TPPP: variants seen among roughly 807,000 people sequenced by gnomAD.
The protein encoded by TPPP is tubulin polymerization-promoting protein.
In TPPP, 6 loss-of-function variants were observed where a neutral mutation model predicts 15.5. That is an observed-to-expected ratio of 0.39 (90% CI 0.21 to 0.77). The LOEUF is 0.77. Among genes scored for constraint, TPPP ranks in the 30% least tolerant of loss-of-function variants. The probability of loss-of-function intolerance (pLI) is 0.42; values close to 1 mark genes in which losing one functional copy is unlikely to be tolerated. For synonymous variants in TPPP, 146 were observed against 133.9 expected, an observed-to-expected ratio of 1.09 and a Z score of -0.63; for missense variants, 269 against 307.2, an observed-to-expected ratio of 0.88 and a Z score of 0.93.
chr5:668,988 C>G (rs1209722264), intron 2 of TPPP, among the ~76,000 whole-genome samples: 1 of 152,232 alleles, frequency 6.6e-6, no homozygotes, highest in South Asian at 2.1e-4. Context: ...TTCCCATACA[C>G]TTTACACGCG....
At chr5:696,371 G>C (rs1216196547), upstream of TPPP, among the ~76,000 whole-genome samples, 1 of 140,130 alleles carries the variant, frequency 7.1e-6, no homozygotes, top group Non-Finnish European at 1.6e-5. Context: ...TGAGGATGCC[G>C]GGTCCCAGCA....
intron 2 of TPPP, among the ~76,000 whole-genome samples, chr5:672,210 C>G (rs1263656114): frequency 6.6e-6 from 1 of 152,058 alleles, no homozygotes; most frequent in Admixed American, 6.5e-5. Flanking sequence ...GCCGGCTGGC[C>G]GGGGGGGTGT....
intron 2 of TPPP, among the ~76,000 whole-genome samples, chr5:674,202 C>T (rs1332256929): frequency 6.6e-6 from 1 of 152,248 alleles, no homozygotes; most frequent in Non-Finnish European, 1.5e-5. Flanking sequence ...TATCCTGGAA[C>T]ACACATTGGG....
chr5:671,383 C>T (rs1364428418), intron 2 of TPPP, among the ~76,000 whole-genome samples: 1 of 152,222 alleles, frequency 6.6e-6, no homozygotes, highest in African/African-American at 2.4e-5. Flanking sequence ...CTAGGGGGCC[C>T]CAGGGGCTCG....
chr5:699,490 A>G, the TPPP span, among the ~76,000 whole-genome samples: 1 of 152,116 alleles, frequency 6.6e-6, no homozygotes, highest in Non-Finnish European at 1.5e-5. Context: ...GAAGACCTAA[A>G]CATAGGACCA....
At position 661,300 on chromosome 5, in the gene TPPP, C is replaced by G. The variant is rs1358623138; in HGVS notation, c.*3802G>C. 1 of 149,090 alleles carries G rather than the reference C, an allele frequency of 6.7e-6. No homozygotes were observed. The highest frequency in any genetic ancestry group is 2.0e-4 in the East Asian group (1 of 5,032). 9.2% of individuals were successfully genotyped at this position (149,090 alleles called of 1,614,324 possible). A position where few individuals can be genotyped will look rare whatever the true frequency, so the allele number is the denominator to read the frequency against. On this transcript the variant is annotated 3_prime_UTR_variant, in exon 4 of 4. Transcript: ENST00000360578. ...TGGTGTCACCCCCGACAGAACCTGT[C>G]CCTGTCTCCTCTTGTCACCCCCAAC...
At position 664,995 on chromosome 5, in the gene TPPP, C is replaced by T. The variant is rs552814071; in HGVS notation, c.*107G>A. ...GGCCGCCCCCCAGCCCCCTCTGGGG[C>T]ACCCGTCTGAGTTCTGCCCCAGTTA... On this transcript the variant is annotated 3_prime_UTR_variant, in exon 4 of 4. Coordinates refer to ENST00000360578, the MANE Select transcript of TPPP (RefSeq NM_007030.3). The T allele has an allele frequency of 1.1e-5, 15 of 1,372,818 alleles. No individual in the cohort carries two copies. In the African/African-American group the frequency reaches 1.3e-4, roughly 12 times the overall value. 85.0% of individuals were successfully genotyped at this position (1,372,818 alleles called of 1,614,324 possible). A position where few individuals can be genotyped will look rare whatever the true frequency, so the allele number is the denominator to read the frequency against.
intron 1 of TPPP, among the ~76,000 whole-genome samples, chr5:685,561 G>A (rs1177818869): frequency 6.6e-6 from 1 of 152,348 alleles, no homozygotes; most frequent in East Asian, 1.9e-4. Flanking sequence ...GGGGGCAGGG[G>A]AGCAGGGGCT....
chr5:685,253 C>T (rs1355105046), intron 1 of TPPP, among the ~76,000 whole-genome samples: 4 of 152,254 alleles, frequency 2.6e-5, no homozygotes, highest in Non-Finnish European at 5.9e-5. Flanking sequence ...GACCTGAGGT[C>T]GGGCTCCTGC....
At chr5:685,745 C>G (rs1283931057) in intron 1 of TPPP, among the ~76,000 whole-genome samples, 4 of 152,214 alleles carry the variant, frequency 2.6e-5, no homozygotes, top group Non-Finnish European at 5.9e-5. Flanking sequence ...CCCAGCGTGG[C>G]CACTCTGGGG....
chr5:677,625 G>C (rs1579190034), intron 2 of TPPP, 125 bp downstream of exon 2: 2 of 863,764 alleles, frequency 2.3e-6, no homozygotes, highest in Middle Eastern at 2.5e-4. Context: ...TCTGAGAAGG[G>C]CGGGGTCTTG....
At chr5:678,510 C>T (rs1473767652) in intron 1 of TPPP, among the ~76,000 whole-genome samples, 2 of 143,986 alleles carry the variant, frequency 1.4e-5, no homozygotes. Flanking sequence ...CTCGGGATCA[C>T]GCACTCCCCA....
At position 664,443 on chromosome 5, in the gene TPPP, T is replaced by G. The variant is rs1739810956; in HGVS notation, c.*659A>C. The G allele has an allele frequency of 6.6e-6, 1 of 152,472 alleles. No individual in the cohort carries two copies. Among genetic ancestry groups the G allele is most frequent in the African/African-American group, 2.4e-5 (1 of 41,472 alleles). The allele number at this position is 152,472 out of a possible 1,614,324, so 9.4% of individuals were successfully genotyped here. A position where few individuals can be genotyped will look rare whatever the true frequency, so the allele number is the denominator to read the frequency against. ...AGCCGCCCACTGCCCCTGACGGCTT[T>G]CGTTTTACCTAGGTTGCCCTTGGCA... On this transcript the variant is annotated 3_prime_UTR_variant, in exon 4 of 4. Transcript: ENST00000360578.
chr5:671,224 G>A (rs563957913), intron 2 of TPPP, among the ~76,000 whole-genome samples: 16 of 151,710 alleles, frequency 1.1e-4, no homozygotes, highest in South Asian at 6.3e-4. Context: ...TTGCGTTGCT[G>A]CCGGCCTTTT....
chr5:676,937 C>A (rs1294067759), intron 2 of TPPP, among the ~76,000 whole-genome samples: 2 of 151,230 alleles, frequency 1.3e-5, no homozygotes, highest in African/African-American at 2.4e-5. Context: ...CACGCGCGCA[C>A]ACGACGCAGA....
In TPPP at chr5:664,499, G is replaced by A. The variant is rs1739812638; in HGVS notation, c.*603C>T. On this transcript the variant is annotated 3_prime_UTR_variant, in exon 4 of 4. Coordinates refer to ENST00000360578, the MANE Select transcript of TPPP (RefSeq NM_007030.3). ...CTGGCCTGTAGGCATGTGTGCACAG[G>A]TGTGTCCATGTGACCGGCTTCCCCA... 1 of 154,910 alleles carries A rather than the reference G, an allele frequency of 6.5e-6. No individual in the cohort carries two copies. The highest frequency in any genetic ancestry group is 1.4e-5 in the Non-Finnish European group (1 of 69,880). 9.6% of individuals were successfully genotyped at this position (154,910 alleles called of 1,614,324 possible).
chr5:685,130 G>C (rs1475050892), intron 1 of TPPP, among the ~76,000 whole-genome samples: 1 of 152,174 alleles, frequency 6.6e-6, no homozygotes, highest in Non-Finnish European at 1.5e-5. Flanking sequence ...AGGGGTCACT[G>C]GTCCAGAGGT....
At chr5:692,775 G>A (rs1333503853) in intron 1 of TPPP, 1 of 950,904 alleles carries the variant, frequency 1.1e-6, no homozygotes, top group East Asian at 1.1e-4. Context: ...AGGACCCTGA[G>A]ATGGGCCGTT....
At chr5:677,083 G>A (rs973246780) in intron 2 of TPPP, among the ~76,000 whole-genome samples, 2 of 152,206 alleles carry the variant, frequency 1.3e-5, no homozygotes, top group African/African-American at 2.4e-5. Context: ...ACGTGCACAC[G>A]ACGCAGAAAA....
Sources: gnomAD v4.1 joint callset for allele counts (sites outside exome capture counted in the v4.1 genomes callset) on GRCh38, gnomAD v4.1.1 for gene constraint, MANE v1.5 for transcripts, NCBI Gene and HGNC (gene_info 2026-07-23, HGNC 2026-07-21) for gene names.